NRXN1: variants seen among roughly 807,000 people sequenced by gnomAD.
The protein encoded by NRXN1 is neurexin 1, also known as neurexin-1.
In NRXN1, 39 loss-of-function variants were observed where a neutral mutation model predicts 150.9. That is an observed-to-expected ratio of 0.26 (90% confidence interval 0.20 to 0.34). NRXN1 has a LOEUF of 0.34. NRXN1 is among the 10% of genes least tolerant of loss of function. The pLI is 1.00. For missense variants in NRXN1, 1,815 were observed against 1,949.9 expected (o/e 0.93, Z 1.30); for synonymous variants, 924 against 757.0 (o/e 1.22, Z -3.62).
chr2:50,692,350 C>T (rs1692201125), intron 5 of NRXN1, among the ~76,000 whole-genome samples: 1 of 152,158 alleles, frequency 6.6e-6, no homozygotes, highest in African/African-American at 2.4e-5. Context: ...TGTGATAACA[C>T]ACTAACATGC....
intron 12 of NRXN1, among the ~76,000 whole-genome samples, chr2:50,523,397 G>C (rs7581530): frequency 0.19 from 28,398 of 151,978 alleles, 3,619 homozygotes; most frequent in East Asian, 0.38. Context: ...AGAGGCGAAA[G>C]ACTCCCTTTT....
chr2:50,171,424 C>CA (rs1213337632), intron 18 of NRXN1, among the ~76,000 whole-genome samples: 3 of 144,978 alleles, frequency 2.1e-5, no homozygotes, highest in South Asian at 2.3e-4. Flanking sequence ...ATTTTTAGGC[C>CA]CCATTAATGA....
intron 8 of NRXN1, among the ~76,000 whole-genome samples, chr2:50,553,309 C>A (rs1667789870): frequency 6.6e-6 from 1 of 152,182 alleles, no homozygotes; most frequent in African/African-American, 2.4e-5. Flanking sequence ...ATTTAAAAAT[C>A]TGCATATATC....
At chr2:50,232,545 C>T (rs968688628) in intron 18 of NRXN1, among the ~76,000 whole-genome samples, 2 of 151,686 alleles carry the variant, frequency 1.3e-5, no homozygotes, top group Admixed American at 6.6e-5. Flanking sequence ...TGTCACCACA[C>T]CCAGCTAATT....
intron 10 of NRXN1, 69 bp from the exon 11 acceptor site, chr2:50,531,499 G>A (rs1349414914): frequency 7.5e-6 from 9 of 1,202,794 alleles, no homozygotes; most frequent in African/African-American, 1.5e-5. Context: ...AAGAGGAAAA[G>A]GATCATTTAT....
intron 5 of NRXN1, among the ~76,000 whole-genome samples, chr2:50,706,588 T>C (rs1457180436): frequency 2.0e-5 from 3 of 152,148 alleles, no homozygotes; most frequent in Admixed American, 6.6e-5. Context: ...GCCAATAAAG[T>C]AGACACTAGC....
intron 21 of NRXN1, among the ~76,000 whole-genome samples, chr2:50,000,453 T>C (rs1437874548): frequency 1.3e-5 from 2 of 152,186 alleles, no homozygotes; most frequent in Non-Finnish European, 2.9e-5. Context: ...ACTAATTTCA[T>C]CCAGCACACA....
At chr2:50,767,480 T>C (rs540627772) in intron 5 of NRXN1, among the ~76,000 whole-genome samples, 1 of 152,200 alleles carries the variant, frequency 6.6e-6, no homozygotes, top group Non-Finnish European at 1.5e-5. Flanking sequence ...TCTAGATTTT[T>C]ATTTGGTGAA....
intron 17 of NRXN1, among the ~76,000 whole-genome samples, chr2:50,277,506 C>T (rs201247072): frequency 3.0e-5 from 3 of 100,554 alleles, no homozygotes; most frequent in East Asian, 4.5e-4. Flanking sequence ...CTTTTTCCTT[C>T]CTTCCTTCCT....
At chr2:50,296,817 G>T (rs1463173422) in intron 17 of NRXN1, among the ~76,000 whole-genome samples, 2 of 151,066 alleles carry the variant, frequency 1.3e-5, no homozygotes, top group Non-Finnish European at 2.9e-5. Flanking sequence ...CTGTTTCTGA[G>T]TTACTTAGAA....
At chr2:50,550,423 G>A (rs533404866) in intron 9 of NRXN1, among the ~76,000 whole-genome samples, 14 of 152,050 alleles carry the variant, frequency 9.2e-5, no homozygotes, top group African/African-American at 3.4e-4. Flanking sequence ...ATCTCTTCTT[G>A]AAAGTAATTT....
rs6744521 is a variant in NRXN1 at position 50,396,051 on chromosome 2, C to T, written c.3364+69391G>A. Among the ~76,000 whole-genome samples, 36 of 152,204 alleles carry T rather than the reference C, an allele frequency of 2.4e-4. 2 individuals carry two copies. Among genetic ancestry groups the T allele is most frequent in the African/African-American group, 8.7e-4 (36 of 41,532 alleles). On this transcript the variant is annotated intron_variant, in intron 17 of 22. Coordinates refer to ENST00000401669, the MANE Select transcript of NRXN1 (RefSeq NM_001330078.2). ...TATTGAATTACTAAAATTTAGTTTT[C>T]ATAAACTAAAATTAGTACTTAATAG...
intron 15 of NRXN1, among the ~76,000 whole-genome samples, chr2:50,486,550 A>G (rs1368355274): frequency 4.6e-5 from 7 of 152,174 alleles, no homozygotes; most frequent in Non-Finnish European, 8.8e-5. Context: ...AGAATGGTAC[A>G]CTAGTACAGG....
chr2:50,890,984 C>G (rs1680961479), intron 5 of NRXN1, among the ~76,000 whole-genome samples: 3 of 151,844 alleles, frequency 2.0e-5, no homozygotes. Flanking sequence ...ATATTTTAAT[C>G]CCTATTTAGT....
intron 5 of NRXN1, among the ~76,000 whole-genome samples, chr2:50,685,809 C>G (rs938901204): frequency 6.6e-6 from 1 of 152,080 alleles, no homozygotes; most frequent in East Asian, 1.9e-4. Flanking sequence ...TCATCAAACC[C>G]CAATGTCTCA....
chr2:50,192,158 T>C (rs1167802087), intron 18 of NRXN1, among the ~76,000 whole-genome samples: 1 of 152,208 alleles, frequency 6.6e-6, no homozygotes, highest in African/African-American at 2.4e-5. Flanking sequence ...GTCTTATAAA[T>C]AATTTATTCA....
intron 18 of NRXN1, among the ~76,000 whole-genome samples, chr2:50,163,637 T>A (rs1473893814): frequency 6.6e-6 from 1 of 152,174 alleles, no homozygotes; most frequent in African/African-American, 2.4e-5. Flanking sequence ...TGGTAAGCAC[T>A]CCTCTAAAGT....
intron 2 of NRXN1, among the ~76,000 whole-genome samples, chr2:51,005,622 G>A (rs1362221393): frequency 1.6e-4 from 24 of 151,806 alleles, no homozygotes; most frequent in Non-Finnish European, 5.9e-5. Flanking sequence ...AAACTCACTG[G>A]TAGTGTCAAT....
chr2:50,856,197 T>G (rs190978305), intron 5 of NRXN1, among the ~76,000 whole-genome samples: 102 of 152,136 alleles, frequency 6.7e-4, no homozygotes, highest in Non-Finnish European at 1.1e-3. Context: ...GAAATAATCT[T>G]TAGAAGTATT....
Sources: allele counts gnomAD v4.1 joint callset (sites outside exome capture counted in the v4.1 genomes callset), GRCh38; gene constraint gnomAD v4.1.1; transcripts MANE v1.5; gene names NCBI Gene and HGNC (gene_info 2026-07-23, HGNC 2026-07-21).